CAMTA1: variants seen among roughly 807,000 people sequenced by gnomAD.
The protein encoded by CAMTA1 is calmodulin-binding transcription activator 1.
Under a neutral mutation model 170.9 loss-of-function variants are expected in CAMTA1, and 27 were observed. The ratio of observed to expected loss-of-function variants is 0.16; its 90% CI spans 0.12 to 0.22. CAMTA1 has a LOEUF of 0.22. Ranked by LOEUF, CAMTA1 falls within the 10% of genes least tolerant of loss-of-function variation. The pLI is 1.00. For missense variants in CAMTA1, 1,619 were observed against 2,217.2 expected, an observed-to-expected ratio of 0.73 and a Z score of 5.42; for synonymous variants, 833 against 891.5, an observed-to-expected ratio of 0.93 and a Z score of 1.17.
intron 3 of CAMTA1, among the ~76,000 whole-genome samples, chr1:6,881,268 G>A (rs746456820): frequency 7.9e-5 from 12 of 152,178 alleles, no homozygotes; most frequent in Non-Finnish European, 1.2e-4. Flanking sequence ...GTGCAGCAAG[G>A]TACACAGTGA....
At chr1:6,922,357 T>G (rs1682198972) in intron 3 of CAMTA1, among the ~76,000 whole-genome samples, 1 of 151,410 alleles carries the variant, frequency 6.6e-6, no homozygotes, top group Non-Finnish European at 1.5e-5. Flanking sequence ...GAAACAACAG[T>G]CATTTATTAT....
Position 7,580,070 on chromosome 1 carries a change from G to A in CAMTA1, c.511-60330G>A, listed in dbSNP as rs1282133074. Among the ~76,000 whole-genome samples, 1 of 152,272 alleles carries A rather than the reference G, an allele frequency of 6.6e-6. No homozygotes were observed. The highest frequency in any genetic ancestry group is 1.9e-4 in the East Asian group (1 of 5,190). On this transcript the variant is annotated intron_variant, in intron 6 of 22. Coordinates refer to ENST00000303635, the MANE Select transcript of CAMTA1 (RefSeq NM_015215.4). This position sits in a 1 kb window ranked among gnomAD's most constrained non-coding sequence, Gnocchi z 4.3. ...ACACATGCATTCTGGCCTCTGGCCT[G>A]TGCCAGGCACACAGCTAGGAGCTGG...
chr1:7,070,807 T>A (rs1638540498), intron 3 of CAMTA1, among the ~76,000 whole-genome samples: 1 of 152,176 alleles, frequency 6.6e-6, no homozygotes, highest in Non-Finnish European at 1.5e-5. Context: ...GCATGGAGAT[T>A]GTGTGTGAGT....
intron 3 of CAMTA1, among the ~76,000 whole-genome samples, chr1:6,959,239 G>A (rs918853683): frequency 6.6e-6 from 1 of 152,188 alleles, no homozygotes; most frequent in African/African-American, 2.4e-5. Context: ...GAAAAGGGTG[G>A]CCACAGTCCT....
chr1:7,615,642 C>G (rs145901905), intron 6 of CAMTA1, among the ~76,000 whole-genome samples: 2,035 of 152,368 alleles, frequency 0.013, 26 homozygotes, highest in Admixed American at 0.022. Context: ...AATTCTCCTA[C>G]AAGGGTAGAA....
chr1:7,748,148 G>C lies in CAMTA1; in HGVS notation c.4689+367G>C, dbSNP rs1340376770. On this transcript the variant is annotated intron_variant, in intron 19 of 22. Coordinates refer to ENST00000303635, the MANE Select transcript of CAMTA1 (RefSeq NM_015215.4). This position sits in a 1 kb window ranked among gnomAD's most constrained non-coding sequence, Gnocchi z 4.7. ...GCTGGTCTTGAACTCCTGACCTCAA[G>C]TGATCTGCCCGCCTTGGCCTCCCAA... 6.6e-6 allele frequency among the ~76,000 whole-genome samples: 1 copy of C among 152,022 alleles called. No homozygotes were observed. Among genetic ancestry groups the C allele is most frequent in the Non-Finnish European group, 1.5e-5 (1 of 68,012 alleles).
rs546389280 is a variant in CAMTA1, at chr1:7,248,845, A to G, written c.303-646A>G. Among the ~76,000 whole-genome samples, 1 of 152,260 alleles carries G rather than the reference A, an allele frequency of 6.6e-6. No individual in the cohort carries two copies. The highest frequency in any genetic ancestry group is 6.5e-5 in the Admixed American group (1 of 15,296). ...GATGCTCTGGCTGTGGACTGAATAG[A>G]TGACTTTACCTGGCAGTATCTGAGA... On this transcript the variant is annotated intron_variant, in intron 4 of 22. Coordinates refer to ENST00000303635, the MANE Select transcript of CAMTA1 (RefSeq NM_015215.4). The surrounding 1 kb of genome is among the most constrained non-coding windows in gnomAD (Gnocchi z 4.0).
chr1:7,391,566 T>G (rs1042305499), intron 5 of CAMTA1, among the ~76,000 whole-genome samples: 3 of 152,166 alleles, frequency 2.0e-5, no homozygotes, highest in Non-Finnish European at 2.9e-5. Flanking sequence ...GGCAAATGTA[T>G]GTGGTTTCCA....
At position 7,102,313 on chromosome 1, in the gene CAMTA1, G is replaced by A. The variant is rs914573557; in HGVS notation, c.302+10942G>A. Reference sequence around the variant, plus strand: ...CGAGAGTCCAGGACGGGGCAGCCACGTCCGGGAGGGGAGGGTCCTGCTCTG... The same window carrying A: ...CGAGAGTCCAGGACGGGGCAGCCACATCCGGGAGGGGAGGGTCCTGCTCTG... On this transcript the variant is annotated intron_variant, in intron 4 of 22. Transcript: ENST00000303635. Among the ~76,000 whole-genome samples the A allele has an allele frequency of 3.3e-5, 5 of 152,174 alleles. No homozygotes were observed. The East Asian group carries it at 5.8e-4, about 18-fold the overall frequency.
chr1:6,848,642 G>A lies in CAMTA1; in HGVS notation c.234+23432G>A, dbSNP rs1436211428. Among the ~76,000 whole-genome samples the A allele has an allele frequency of 3.3e-5, 5 of 152,318 alleles. No homozygotes were observed. The East Asian group carries it at 9.6e-4, about 29-fold the overall frequency. ...TCTGACTTGGGAGGTAGAGTTAGTA[G>A]CATTTATGTGACCTCTAAGACGTGA... On this transcript the variant is annotated intron_variant, in intron 3 of 22. Coordinates refer to ENST00000303635, the MANE Select transcript of CAMTA1 (RefSeq NM_015215.4).
intron 6 of CAMTA1, among the ~76,000 whole-genome samples, chr1:7,490,593 G>A (rs143384081): frequency 0.02 from 3,003 of 152,178 alleles, 101 homozygotes; most frequent in African/African-American, 0.069. Context: ...CGGAGGTTGC[G>A]GTGAGCCGAG....
chr1:7,497,856 A>C (rs2093856022), intron 6 of CAMTA1, among the ~76,000 whole-genome samples: 1 of 152,176 alleles, frequency 6.6e-6, no homozygotes, highest in Non-Finnish European at 1.5e-5. Flanking sequence ...TGTGGATTCT[A>C]CTGTGCAAAG....
Position 6,887,884 on chromosome 1 carries a change from A to T in CAMTA1, c.234+62674A>T. 1 of 1,403,270 alleles carries T rather than the reference A, an allele frequency of 7.1e-7. No individual in the cohort carries two copies. The highest frequency in any genetic ancestry group is 9.3e-7 in the Non-Finnish European group (1 of 1,078,250). The allele number at this position is 1,403,270 out of a possible 1,614,324, so 86.9% of individuals were successfully genotyped here. ...ACTAAAAATGAAATAGAATAAAGTG[A>T]CCTACTCTTGCCTCATCCGGAGTTA... On this transcript the variant is annotated intron_variant, in intron 3 of 22. Transcript: ENST00000303635. The surrounding 1 kb of genome is among the most constrained non-coding windows in gnomAD (Gnocchi z 4.1).
chr1:7,188,117 C>T (rs1653791476), intron 4 of CAMTA1, among the ~76,000 whole-genome samples: 1 of 152,152 alleles, frequency 6.6e-6, no homozygotes, highest in Non-Finnish European at 1.5e-5. Flanking sequence ...CATCAAATCT[C>T]ACGAGAACTC....
chr1:7,335,100 A>G (rs979369428), intron 5 of CAMTA1, among the ~76,000 whole-genome samples: 3 of 66,186 alleles, frequency 4.5e-5, no homozygotes, highest in Admixed American at 2.1e-4. Flanking sequence ...TACGGAGAAG[A>G]GGGCTTGTTT....
chr1:7,373,401 T>C (rs1176370713), intron 5 of CAMTA1, among the ~76,000 whole-genome samples: 2 of 152,236 alleles, frequency 1.3e-5, no homozygotes, highest in Admixed American at 6.5e-5. Context: ...TGGCTGCGAC[T>C]GAATGAAGTG....
chr1:7,112,108 G>C (rs535561492), intron 4 of CAMTA1, among the ~76,000 whole-genome samples: 1 of 152,226 alleles, frequency 6.6e-6, no homozygotes, highest in African/African-American at 2.4e-5. Context: ...AGCCTTTGTA[G>C]GGGAGGCTGT....
chr1:7,305,508 G>A (rs929548589), intron 5 of CAMTA1, among the ~76,000 whole-genome samples: 14 of 151,894 alleles, frequency 9.2e-5, no homozygotes, highest in African/African-American at 3.4e-4. Context: ...TTTTGAAAAT[G>A]TCTTATAAAT....
rs981219349 is a variant in CAMTA1 at position 7,680,391 on chromosome 1, C to A, written c.2914+2658C>A. ...AGGAGGGCTGGGGAAGGGGTGGGCG[C>A]CAGGGGACTGCAGCGCGGAGCAAAC... is the stretch of plus-strand genomic sequence containing the variant. On this transcript the variant is annotated intron_variant, in intron 11 of 22. Coordinates refer to ENST00000303635, the MANE Select transcript of CAMTA1 (RefSeq NM_015215.4). This position sits in a 1 kb window ranked among gnomAD's most constrained non-coding sequence, Gnocchi z 4.4. Among the ~76,000 whole-genome samples the A allele has an allele frequency of 1.3e-5, 2 of 152,212 alleles. No homozygotes were observed. Among genetic ancestry groups the A allele is most frequent in the Admixed American group, 1.3e-4 (2 of 15,300 alleles).
Sources: gnomAD v4.1 joint callset for allele counts (sites outside exome capture counted in the v4.1 genomes callset) on GRCh38, gnomAD v4.1.1 for gene constraint, Gnocchi (gnomAD v3.1) non-coding constraint, MANE v1.5 for transcripts, NCBI Gene and HGNC (gene_info 2026-07-23, HGNC 2026-07-21) for gene names.